The following PCNT variants were observed in gnomAD, a reference collection of about 807,000 sequenced individuals.
The protein encoded by PCNT is pericentrin, also known as kendrin.
Under a neutral mutation model 380.4 loss-of-function variants are expected in PCNT, and 319 were observed. The observed-to-expected ratio is 0.84, with a 90% CI of 0.77 to 0.92. The LOEUF (loss-of-function observed/expected upper bound fraction) is 0.92. Among genes scored for constraint, PCNT ranks in the 40% least tolerant of loss-of-function variants. The pLI is 0.00. For synonymous variants in PCNT, 1,845 were observed against 1,735.2 expected, an observed-to-expected ratio of 1.06 and a Z score of -1.57; for missense variants, 4,400 against 4,255.3, an observed-to-expected ratio of 1.03 and a Z score of -0.95.
At chr21:46,355,707 C>T (rs536676226) in intron 12 of PCNT, 81 bp downstream of exon 12, 28 of 1,408,230 alleles carry the variant, frequency 2.0e-5, no homozygotes, top group African/African-American at 5.6e-5. Context: ...TGCCTGGGTT[C>T]GATCCAAGTC....
At chr21:46,403,995 G>A (rs1201999499) in intron 27 of PCNT, among the ~76,000 whole-genome samples, 2 of 139,514 alleles carry the variant, frequency 1.4e-5, no homozygotes, top group Non-Finnish European at 3.1e-5. Context: ...GCGCGTGCTC[G>A]GTGAATGAAC....
At chr21:46,343,428 A>G (rs1043791549) in intron 3 of PCNT, among the ~76,000 whole-genome samples, 3 of 144,282 alleles carry the variant, frequency 2.1e-5, no homozygotes, top group Non-Finnish European at 4.5e-5. Context: ...TATGGGGTAT[A>G]TCACATTTGT....
intron 43 of PCNT, among the ~76,000 whole-genome samples, chr21:46,442,241 A>C (rs1170835662): frequency 1.3e-5 from 2 of 152,076 alleles, no homozygotes; most frequent in Admixed American, 1.3e-4. Context: ...CATATGGTCC[A>C]CGGTGGGGCC....
rs2087448981 is a variant in PCNT, at chr21:46,425,312, T to C, written c.7180-519T>C. 6.6e-6 allele frequency among the ~76,000 whole-genome samples: 1 copy of C among 152,236 alleles called. No individual in the cohort carries two copies. Reference sequence around the variant, plus strand: ...GCAGGGCCTGCTGGGGATGGTTTTCTCTGCTCCCCGTGCCCAGCACAGGCA... The same window carrying C: ...GCAGGGCCTGCTGGGGATGGTTTTCCCTGCTCCCCGTGCCCAGCACAGGCA... On this transcript the variant is annotated intron_variant, in intron 32 of 46. Transcript: ENST00000359568. This position sits in a 1 kb window ranked among gnomAD's most constrained non-coding sequence, Gnocchi z 4.2.
chr21:46,420,974 T>G (rs2087225392), intron 31 of PCNT: 1 of 152,214 alleles, frequency 6.6e-6, no homozygotes, highest in Non-Finnish European at 1.5e-5. Flanking sequence ...CTGAGGCATT[T>G]TGAGGGGTAC....
Position 46,431,765 on chromosome 21 carries a change from G to A in PCNT, c.8301G>A (p.Leu2767=), listed in dbSNP as rs2087773567. The part of the protein sequence containing the change: ...LSEALRHERL[L]TEQLSQRTQE... ...AGGCCTTGCGGCACGAGCGGCTCCT[G>A]ACCGAGCAGCTGAGCCAGAGGACAC... The change falls in exon 38 of 47, where the codon CTG becomes CTA. Residue 2767 remains leucine (L), a synonymous_variant. Coordinates refer to ENST00000359568, the MANE Select transcript of PCNT (RefSeq NM_006031.6). The A allele has an allele frequency of 3.1e-6, 5 of 1,612,686 alleles. No individual in the cohort carries two copies. Among genetic ancestry groups the A allele is most frequent in the Non-Finnish European group, 4.2e-6 (5 of 1,179,990 alleles).
chr21:46,340,774 AT>A, intron 3 of PCNT, among the ~76,000 whole-genome samples: 1 of 152,236 alleles, frequency 6.6e-6, no homozygotes, highest in African/African-American at 2.4e-5. Context: ...GGTTCAAGTG[AT>A]TCTCCTACCT....
intron 26 of PCNT, 113 bp downstream of exon 26, chr21:46,401,834 G>A: frequency 1.0e-6 from 1 of 997,152 alleles, no homozygotes; most frequent in South Asian, 1.4e-5. Flanking sequence ...TGACCACTGT[G>A]TATTCTTTTC....
Position 46,385,861 on chromosome 21 carries a change from C to T in PCNT, c.3342C>T (p.His1114=), listed in dbSNP as rs147173840. Residue 1114 remains histidine, a synonymous_variant, in exon 17 of 47, where the codon CAC becomes CAT. Coordinates refer to ENST00000359568, the MANE Select transcript of PCNT (RefSeq NM_006031.6). ...AAGACCAGGTTTTATCCTTAAGTCACGAGATAGAAGAGTGCCGCTCCGAGT... is the reference window on the plus strand; with the variant it reads ...AAGACCAGGTTTTATCCTTAAGTCATGAGATAGAAGAGTGCCGCTCCGAGT... ...QLKDQVLSLS[H]EIEECRSELE... 5.0e-6 allele frequency: 8 copies of T among 1,614,108 alleles called. No individual in the cohort carries two copies. Among genetic ancestry groups the T allele is most frequent in the African/African-American group, 1.3e-5 (1 of 74,948 alleles).
intron 44 of PCNT, chr21:46,442,933 A>T: frequency 6.5e-6 from 2 of 305,708 alleles, no homozygotes; most frequent in South Asian, 3.1e-5. Flanking sequence ...TTTCTGGCTC[A>T]CTCACATCTT....
intron 15 of PCNT, among the ~76,000 whole-genome samples, chr21:46,370,849 C>T (rs1486733073): frequency 6.6e-6 from 1 of 152,186 alleles, no homozygotes; most frequent in African/African-American, 2.4e-5. Flanking sequence ...TCCTGGCTAA[C>T]ACGGTGGAAC....
In PCNT at chr21:46,437,021, G is replaced by A; in HGVS notation, c.9039G>A (p.Met3013Ile). Residue 3013 changes from methionine (M) to isoleucine (I), a missense_variant, in exon 40 of 47, where the codon ATG becomes ATA. Met to Ile is a conservative substitution (Grantham distance 10, BLOSUM62 1). Coordinates refer to ENST00000359568, the MANE Select transcript of PCNT (RefSeq NM_006031.6). ...CGTCATCCAATGAGAAAGCAGTGAT[G>A]TCTTTACTGCACACGTTGGAGGAGC... ...DWTSSNEKAV[M>I]SLLHTLEELK... 6.2e-7 allele frequency: 1 copy of A among 1,614,168 alleles called. No individual in the cohort carries two copies. Among genetic ancestry groups the A allele is most frequent in the Non-Finnish European group, 8.5e-7 (1 of 1,179,998 alleles).
At chr21:46,349,255 G>T (rs1025145806) in intron 7 of PCNT, 69 bp downstream of exon 7, 5 of 1,264,132 alleles carry the variant, frequency 4.0e-6, no homozygotes, top group Non-Finnish European at 5.8e-6. Flanking sequence ...AAGGAATGTC[G>T]TTCATGTCAC....
Position 46,357,094 on chromosome 21 carries a change from C to A in PCNT, c.2057C>A (p.Thr686Asn), listed in dbSNP as rs748800638. The change falls in exon 13 of 47, where the codon ACT (threonine) becomes AAT (asparagine). Residue 686 changes from threonine (T) to asparagine (N), a missense_variant. By Grantham distance (65) the Thr-to-Asn change is moderately conservative (BLOSUM62 0). Transcript: ENST00000359568. Reference protein sequence around the residue: ...EHKVQLSLLQTELKEEIELLK... With the variant: ...EHKVQLSLLQNELKEEIELLK... The stretch of plus-strand genomic sequence containing the variant: ...AAGGTGCAACTTTCGCTTCTTCAGA[C>A]TGAGCTCAAAGAAGAAATTGAACTC... 4.1e-5 allele frequency: 66 copies of A among 1,613,736 alleles called. No individual in the cohort carries two copies. The highest frequency in any genetic ancestry group is 4.9e-5 in the Non-Finnish European group (58 of 1,179,728).
intron 27 of PCNT, among the ~76,000 whole-genome samples, chr21:46,403,515 C>T (rs1293169389): frequency 8.1e-6 from 1 of 124,022 alleles, no homozygotes. Flanking sequence ...GTGGTGCCCA[C>T]GCGGCGTGTG....
chr21:46,399,408 C>G (rs2086345150), intron 24 of PCNT, among the ~76,000 whole-genome samples, 182 bp from the exon 25 acceptor site: 1 of 150,630 alleles, frequency 6.6e-6, no homozygotes, highest in African/African-American at 2.4e-5. Flanking sequence ...GTCTAGGTCT[C>G]CCTGTGCAGT....
intron 27 of PCNT, among the ~76,000 whole-genome samples, chr21:46,407,404 C>T (rs990689788): frequency 2.3e-5 from 3 of 132,242 alleles, no homozygotes; most frequent in South Asian, 2.4e-4. Context: ...TGCAATGGCG[C>T]GATCTCGGCT....
chr21:46,340,125 C>T (rs1235562906), intron 3 of PCNT, among the ~76,000 whole-genome samples: 2 of 152,172 alleles, frequency 1.3e-5, no homozygotes, highest in East Asian at 1.9e-4. Flanking sequence ...GACCAAGTCA[C>T]ATCTTAGGTG....
At position 46,415,821 on chromosome 21, in the gene PCNT, T is replaced by C. The variant is rs1315255734; in HGVS notation, c.6151-248T>C. On this transcript the variant is annotated intron_variant, in intron 29 of 46. Coordinates refer to ENST00000359568, the MANE Select transcript of PCNT (RefSeq NM_006031.6). ...TCAGATATAGAACCTTCCCATCCTT[T>C]TTCCCTTGTATGAAGCTTGTGTCCT... 2.0e-5 allele frequency among the ~76,000 whole-genome samples: 3 copies of C among 152,234 alleles called. No individual in the cohort carries two copies. The East Asian group carries it at 5.8e-4, about 29-fold the overall frequency.
Sources: gnomAD v4.1 joint callset for allele counts (sites outside exome capture counted in the v4.1 genomes callset) on GRCh38, gnomAD v4.1.1 for gene constraint, Gnocchi (gnomAD v3.1) non-coding constraint, MANE v1.5 for transcripts, NCBI Gene and HGNC (gene_info 2026-07-23, HGNC 2026-07-21) for gene names.